Variants in KIDINS220 observed in about 807,000 individuals in gnomAD.
The protein encoded by KIDINS220 is kinase D-interacting substrate of 220 kDa.
KIDINS220 carries 63 observed loss-of-function variants against 157.6 expected under a neutral mutation model. The ratio of observed to expected loss-of-function variants is 0.40; its 90% CI spans 0.33 to 0.49. The LOEUF (loss-of-function observed/expected upper bound fraction) is 0.49, where lower values mean the gene tolerates loss of function less well. Ranked by LOEUF, KIDINS220 falls within the 20% of genes least tolerant of loss-of-function variation. The probability of loss-of-function intolerance (pLI) is 0.66; values close to 1 mark genes in which losing one functional copy is unlikely to be tolerated. For synonymous variants in KIDINS220, 732 were observed against 783.6 expected (o/e 0.93, Z 1.10); for missense variants, 1,772 against 2,171.2 (o/e 0.82, Z 3.65).
intron 23 of KIDINS220, among the ~76,000 whole-genome samples, chr2:8,750,766 C>T (rs1204993164): frequency 3.3e-5 from 5 of 152,206 alleles, no homozygotes; most frequent in Non-Finnish European, 7.3e-5. Context: ...TGAACAACAA[C>T]AAATTCCACA....
At chr2:8,830,299 T>C (rs531108023) in intron 1 of KIDINS220, among the ~76,000 whole-genome samples, 3 of 152,364 alleles carry the variant, frequency 2.0e-5, no homozygotes, top group African/African-American at 7.2e-5. Flanking sequence ...TGGGTGCCAC[T>C]GGACCTCAAA....
chr2:8,798,134 G>T, intron 10 of KIDINS220, 68 bp downstream of exon 10: 2 of 891,582 alleles, frequency 2.2e-6, no homozygotes, highest in Non-Finnish European at 1.8e-6. Flanking sequence ...AAAGACGACT[G>T]AAATAAAATG....
chr2:8,836,370 G>A (rs1680399817), intron 1 of KIDINS220, among the ~76,000 whole-genome samples: 2 of 152,316 alleles, frequency 1.3e-5, no homozygotes, highest in Admixed American at 1.3e-4. Flanking sequence ...AAAAGATACC[G>A]TTCACACTGT....
intron 12 of KIDINS220, among the ~76,000 whole-genome samples, chr2:8,792,392 C>A (rs775212706): frequency 6.6e-6 from 1 of 152,054 alleles, no homozygotes; most frequent in Non-Finnish European, 1.5e-5. Flanking sequence ...AAGACTCTTA[C>A]ATCAATTTTT....
At chr2:8,808,615 A>G (rs565131843) in intron 6 of KIDINS220, among the ~76,000 whole-genome samples, 3 of 152,148 alleles carry the variant, frequency 2.0e-5, no homozygotes, top group Non-Finnish European at 2.9e-5. Flanking sequence ...AGTCTGAACT[A>G]CCTCAATAAG....
chr2:8,818,859 A>C, intron 2 of KIDINS220, 66 bp from the exon 3 acceptor site: 1 of 773,550 alleles, frequency 1.3e-6, no homozygotes, highest in Non-Finnish European at 2.2e-6. Context: ...CATCACAGTT[A>C]AATATACCAC....
chr2:8,731,292 C>A lies in KIDINS220; in HGVS notation c.4744G>T (p.Asp1582Tyr). 6.2e-7 allele frequency: 1 copy of A among 1,614,110 alleles called. No homozygotes were observed. The highest frequency in any genetic ancestry group is 8.5e-7 in the Non-Finnish European group (1 of 1,180,034). Residue 1582 changes from aspartate to tyrosine, a missense_variant, in exon 30 of 30, where the codon GAT becomes TAT. This residue lies in a region of KIDINS220 where 793 missense variants were observed against 885.5 expected (regional missense o/e 0.90). Transcript: ENST00000256707. The surrounding 1 kb of genome is among the most constrained non-coding windows in gnomAD (Gnocchi z 5.2). ...GATCTCACTCCTGAATCCGATGAATCCTTTTTGTCAAGGAGCGCATCCGAT... is the reference window on the plus strand; with the variant it reads ...GATCTCACTCCTGAATCCGATGAATACTTTTTGTCAAGGAGCGCATCCGAT... The part of the protein sequence containing the change: ...YLSDALLDKK[D>Y]SSDSGVRSSE...
chr2:8,824,788 G>C (rs116659234), intron 2 of KIDINS220, among the ~76,000 whole-genome samples: 2,662 of 152,266 alleles, frequency 0.017, 37 homozygotes, highest in East Asian at 0.055. Flanking sequence ...TCTAGCCACA[G>C]ATGAATAGAC....
At chr2:8,832,440 G>A (rs748842618) in intron 1 of KIDINS220, among the ~76,000 whole-genome samples, 4 of 152,096 alleles carry the variant, frequency 2.6e-5, no homozygotes, top group African/African-American at 4.8e-5. Flanking sequence ...CCAATGACAC[G>A]CTGTCATGTT....
At position 8,779,758 on chromosome 2, in the gene KIDINS220, G is replaced by A. The variant is rs1671450087; in HGVS notation, c.2286C>T (p.Phe762=). 1 of 1,614,052 alleles carries A rather than the reference G, an allele frequency of 6.2e-7. No individual in the cohort carries two copies. The highest frequency in any genetic ancestry group is 1.7e-5 in the Admixed American group (1 of 60,006). The change falls in exon 18 of 30, where the codon TTC becomes TTT. Residue 762 remains phenylalanine (F), a synonymous_variant. Coordinates refer to ENST00000256707, the MANE Select transcript of KIDINS220 (RefSeq NM_020738.4). ...CCACCAGCCTTGTCTGATTCTGAGTGAAGCTGTCAATGGTTTTTGCCATCC... is the reference window on the plus strand; with the variant it reads ...CCACCAGCCTTGTCTGATTCTGAGTAAAGCTGTCAATGGTTTTTGCCATCC... ...MARMAKTIDS[F]TQNQTRLVVI...
Position 8,770,713 on chromosome 2 carries a change from C to T in KIDINS220, c.2968G>A (p.Glu990Lys). The T allele has an allele frequency of 6.2e-7, 1 of 1,608,936 alleles. No homozygotes were observed. Among genetic ancestry groups the T allele is most frequent in the Non-Finnish European group, 8.5e-7 (1 of 1,177,058 alleles). The part of the protein sequence containing the change: ...SWLILYLEET[E>K]GIPDQMTLKT... ...AATGTCATTTGATCTGGAATACCTT[C>T]AGTCTCTTCCAAATATAATATGAGC... is the stretch of plus-strand genomic sequence containing the variant. Residue 990 changes from glutamate to lysine, a missense_variant, in exon 22 of 30, where the codon GAA becomes AAA. Physicochemically the swap from Glu to Lys is moderately conservative, Grantham distance 56 (BLOSUM62 1). This residue lies in a region of KIDINS220 where 725 missense variants were observed against 1,017.1 expected (regional missense o/e 0.71). Transcript: ENST00000256707.
At chr2:8,761,478 A>G (rs987785518) in intron 22 of KIDINS220, among the ~76,000 whole-genome samples, 1 of 152,160 alleles carries the variant, frequency 6.6e-6, no homozygotes, top group Non-Finnish European at 1.5e-5. Context: ...CATAGCCACT[A>G]TTTTCCCAAA....
In KIDINS220 at chr2:8,730,355, CA is replaced by C; in HGVS notation, c.*364del. On this transcript the variant is annotated 3_prime_UTR_variant, in exon 30 of 30. Transcript: ENST00000256707. Reference sequence around the variant, plus strand: ...CAAATGTGTGGTCACCAAATGTTTGCAAAAAGGGTCTCTAGCTTTTTTTCTT... The same window carrying C: ...CAAATGTGTGGTCACCAAATGTTTGCAAAAGGGTCTCTAGCTTTTTTTCTT... The C allele has an allele frequency of 9.8e-7, 1 of 1,019,828 alleles. No homozygotes were observed. The highest frequency in any genetic ancestry group is 1.2e-6 in the Non-Finnish European group (1 of 852,976). 63.2% of individuals were successfully genotyped at this position (1,019,828 alleles called of 1,614,324 possible). A position where few individuals can be genotyped will look rare whatever the true frequency, so the allele number is the denominator to read the frequency against.
intron 6 of KIDINS220, among the ~76,000 whole-genome samples, chr2:8,806,609 C>T (rs1187324014): frequency 2.6e-5 from 4 of 152,168 alleles, no homozygotes; most frequent in Non-Finnish European, 5.9e-5. Context: ...GAGACAGAGT[C>T]TCACTCTGTC....
At position 8,748,017 on chromosome 2, in the gene KIDINS220, A is replaced by G; in HGVS notation, c.3415-17T>C. ...AAAGAATGGCTATGGAAAAACATGTAACAAAAAAGGGGTAAACAATTACAG... is the reference window on the plus strand; with the variant it reads ...AAAGAATGGCTATGGAAAAACATGTGACAAAAAAGGGGTAAACAATTACAG... On this transcript the variant is annotated splice_polypyrimidine_tract_variant and intron_variant, in intron 24 of 29. Transcript: ENST00000256707. The G allele has an allele frequency of 1.4e-6, 2 of 1,446,144 alleles. No homozygotes were observed. The highest frequency in any genetic ancestry group is 4.9e-5 in the East Asian group (2 of 41,126). 89.6% of individuals were successfully genotyped at this position (1,446,144 alleles called of 1,614,324 possible). A position where few individuals can be genotyped will look rare whatever the true frequency, so the allele number is the denominator to read the frequency against.
At chr2:8,786,418 G>T in intron 15 of KIDINS220, 61 bp from the exon 16 acceptor site, 1 of 1,292,902 alleles carries the variant, frequency 7.7e-7, no homozygotes, top group Non-Finnish European at 1.1e-6. Flanking sequence ...TAACTTCAAT[G>T]TATGTCATCT....
At chr2:8,789,041 T>C (rs1257675768) in intron 14 of KIDINS220, among the ~76,000 whole-genome samples, 1 of 152,166 alleles carries the variant, frequency 6.6e-6, no homozygotes, top group Admixed American at 6.5e-5. Context: ...GAAACATAAC[T>C]GCAGTTCAGA....
intron 1 of KIDINS220, among the ~76,000 whole-genome samples, chr2:8,837,028 C>A (rs1008908425): frequency 6.6e-6 from 1 of 152,090 alleles, no homozygotes; most frequent in Non-Finnish European, 1.5e-5. Flanking sequence ...CAATGGAGCC[C>A]ACGATAAAAG....
chr2:8,786,309 A>C lies in KIDINS220; in HGVS notation c.1836T>G (p.Thr612=). The C allele has an allele frequency of 1.2e-6, 2 of 1,614,114 alleles. No homozygotes were observed. Among genetic ancestry groups the C allele is most frequent in the South Asian group, 2.2e-5 (2 of 91,084 alleles). Residue 612 remains threonine (T), a synonymous_variant, in exon 16 of 30, where the codon ACT becomes ACG. Transcript: ENST00000256707. The part of the protein sequence containing the change: ...YNRLSSVGGE[T]SLAEMIATLS... ...GGGTTGCAATCATTTCAGCCAGAGA[A>C]GTTTCTCCACCTACACTGGACAGTC...
Sources: gnomAD v4.1 joint callset for allele counts (sites outside exome capture counted in the v4.1 genomes callset) on GRCh38, gnomAD v4.1.1 for gene constraint, gnomAD v4.1.1 regional missense constraint, Gnocchi (gnomAD v3.1) non-coding constraint, MANE v1.5 for transcripts, NCBI Gene and HGNC (gene_info 2026-07-23, HGNC 2026-07-21) for gene names.